Variants in GRIK1 observed in about 807,000 individuals in gnomAD.
GRIK1 encodes the protein glutamate receptor ionotropic, kainate 1.
GRIK1 carries 69 observed loss-of-function variants against 105.7 expected under a neutral mutation model. The ratio of observed to expected loss-of-function variants is 0.65; its 90% CI spans 0.54 to 0.80. The LOEUF is 0.80. Ranked by LOEUF, GRIK1 falls within the 30% of genes least tolerant of loss-of-function variation. The pLI, the probability that GRIK1 is intolerant of heterozygous loss-of-function variation, is 0.00. For synonymous variants in GRIK1, 438 were observed against 431.3 expected (o/e 1.02, Z -0.19); for missense variants, 1,109 against 1,167.3 (o/e 0.95, Z 0.73).
At chr21:29,736,041 A>T (rs2064782990) in intron 1 of GRIK1, among the ~76,000 whole-genome samples, 1 of 152,184 alleles carries the variant, frequency 6.6e-6, no homozygotes, top group Non-Finnish European at 1.5e-5. Context: ...CTAAAGACAT[A>T]GAAAGCAATT....
chr21:29,817,635 T>A (rs2067189568), intron 1 of GRIK1, among the ~76,000 whole-genome samples: 1 of 151,962 alleles, frequency 6.6e-6, no homozygotes, highest in Admixed American at 6.6e-5. Flanking sequence ...CAGCGCACCC[T>A]AGAGAATGGT....
chr21:29,618,315 C>G (rs1400354470), intron 7 of GRIK1, among the ~76,000 whole-genome samples: 1 of 152,150 alleles, frequency 6.6e-6, no homozygotes, highest in Non-Finnish European at 1.5e-5. Flanking sequence ...TGCGATACCA[C>G]CTTACTCCCG....
chr21:29,694,343 C>T lies in GRIK1; in HGVS notation c.119-280G>A, dbSNP rs190455411. The stretch of plus-strand genomic sequence containing the variant: ...TTCCCCATGTTGGCCAGGCTGGTCT[C>T]GAACTCCTGACCTCAGGTGATCCAC... On this transcript the variant is annotated intron_variant, in intron 1 of 17. Transcript: ENST00000327783. 5.1e-4 allele frequency among the ~76,000 whole-genome samples: 77 copies of T among 152,026 alleles called. 1 individual carries two copies. The East Asian group carries it at 0.012, about 24-fold the overall frequency.
chr21:29,855,385 A>T lies in GRIK1; in HGVS notation c.118+83998T>A, dbSNP rs1193055041. Reference sequence around the variant, plus strand: ...TGGCCAGCCAAAAATACCATCTTTAAAGAGTGATATTTAAGCTGAGATCTG... The same window carrying T: ...TGGCCAGCCAAAAATACCATCTTTATAGAGTGATATTTAAGCTGAGATCTG... On this transcript the variant is annotated intron_variant, in intron 1 of 17. Transcript: ENST00000327783. Among the ~76,000 whole-genome samples the T allele has an allele frequency of 3.3e-5, 5 of 152,230 alleles. No individual in the cohort carries two copies. In the East Asian group the frequency reaches 9.6e-4, roughly 29 times the overall value.
rs759145974 is a variant in GRIK1, at chr21:29,537,309, C to T, written c.2771G>A (p.Arg924Lys). The T allele has an allele frequency of 5.0e-6, 8 of 1,610,944 alleles. No homozygotes were observed. The South Asian group carries it at 8.8e-5, about 18-fold the overall frequency. The change falls in exon 18 of 18, where the codon AGA becomes AAA. Residue 924 changes from arginine to lysine, a missense_variant. Arg to Lys is a conservative substitution (Grantham distance 26, BLOSUM62 2). Around this residue, in one of 5 missense-constraint regions of GRIK1, gnomAD observed 161 missense variants for 143.4 expected, o/e 1.12. Coordinates refer to ENST00000327783, the MANE Select transcript of GRIK1 (RefSeq NM_001330994.2). The stretch of plus-strand genomic sequence containing the variant: ...TGTGAAGGAAGATTTCCCCTTAGTT[C>T]TTGACTTTTTCTTTATTTTTTTCTG... Reference protein sequence around the residue: ...KNQKKIKKKSRTKGKSSFTSI... With the variant: ...KNQKKIKKKSKTKGKSSFTSI...
At chr21:29,912,342 A>G (rs2070846669) in intron 1 of GRIK1, among the ~76,000 whole-genome samples, 1 of 152,034 alleles carries the variant, frequency 6.6e-6, no homozygotes, top group Admixed American at 6.6e-5. Context: ...GATCAGAGAG[A>G]TGTCAGCCCC....
rs191206675 is a variant in GRIK1 at position 29,757,108 on chromosome 21, A to G, written c.119-63045T>C. Among the ~76,000 whole-genome samples, 440 of 152,054 alleles carry G rather than the reference A, an allele frequency of 2.9e-3. 3 individuals carry two copies. The highest frequency in any genetic ancestry group is 0.01 in the African/African-American group (432 of 41,468). ...CTCCAGCCTGGGCAACAAGATTGAG[A>G]CTCCATCTCAATATAAAAAATAAAA... On this transcript the variant is annotated intron_variant, in intron 1 of 17. Coordinates refer to ENST00000327783, the MANE Select transcript of GRIK1 (RefSeq NM_001330994.2).
intron 14 of GRIK1, among the ~76,000 whole-genome samples, chr21:29,565,061 C>G (rs898060419): frequency 2.2e-4 from 34 of 152,280 alleles, no homozygotes; most frequent in African/African-American, 7.9e-4. Context: ...GGCATGGACA[C>G]CTTTGAGCAG....
At chr21:29,557,375 T>A (rs2090283779) in intron 15 of GRIK1, among the ~76,000 whole-genome samples, 1 of 152,180 alleles carries the variant, frequency 6.6e-6, no homozygotes, top group East Asian at 1.9e-4. Context: ...GGAAGAAATT[T>A]AGGAACTGAA....
At chr21:29,824,957 C>T (rs1036143222) in intron 1 of GRIK1, among the ~76,000 whole-genome samples, 6 of 151,644 alleles carry the variant, frequency 4.0e-5, no homozygotes, top group African/African-American at 1.2e-4. Flanking sequence ...GATGGTGAGA[C>T]GTGGTCTGAT....
At chr21:29,670,770 C>T (rs1320202344) in intron 4 of GRIK1, among the ~76,000 whole-genome samples, 1 of 152,194 alleles carries the variant, frequency 6.6e-6, no homozygotes, top group Non-Finnish European at 1.5e-5. Flanking sequence ...CACTTCATTA[C>T]ACCCTTTAAT....
At chr21:29,573,561 C>T (rs894108271) in intron 14 of GRIK1, among the ~76,000 whole-genome samples, 3 of 150,342 alleles carry the variant, frequency 2.0e-5, no homozygotes, top group African/African-American at 7.3e-5. Flanking sequence ...TCAAAGTGAA[C>T]TTAAGGGGCC....
chr21:29,816,442 C>G (rs1282028516), intron 1 of GRIK1, among the ~76,000 whole-genome samples: 2 of 152,030 alleles, frequency 1.3e-5, no homozygotes, highest in African/African-American at 4.8e-5. Context: ...AATCTCACTA[C>G]CAGGTATTTA....
In GRIK1 at chr21:29,550,107, C is replaced by CAAAAA. The variant is rs34939329; in HGVS notation, c.2607+4940_2607+4944dup. ...TGGGCGACAGAGAAAGACTCCATCT[C>CAAAAA]AAAAAAAAAAAAAAAAAAAAAAAAA... On this transcript the variant is annotated intron_variant, in intron 16 of 17. Coordinates refer to ENST00000327783, the MANE Select transcript of GRIK1 (RefSeq NM_001330994.2). 5.2e-4 allele frequency among the ~76,000 whole-genome samples: 28 copies of CAAAAA among 53,488 alleles called. 3 individuals are homozygous for CAAAAA. Among genetic ancestry groups the CAAAAA allele is most frequent in the African/African-American group, 1.8e-3 (21 of 11,752 alleles). 35.1% of individuals were successfully genotyped at this position (53,488 alleles called of 152,430 possible). A position where few individuals can be genotyped will look rare whatever the true frequency, so the allele number is the denominator to read the frequency against.
intron 1 of GRIK1, among the ~76,000 whole-genome samples, chr21:29,793,514 C>A (rs2066480827): frequency 6.6e-6 from 1 of 150,976 alleles, no homozygotes. Flanking sequence ...TTTCCCCTCT[C>A]TGCCTTTTCC....
intron 1 of GRIK1, among the ~76,000 whole-genome samples, chr21:29,806,645 A>G (rs2066871427): frequency 6.6e-6 from 1 of 152,134 alleles, no homozygotes; most frequent in Non-Finnish European, 1.5e-5. Context: ...CAACCATCCC[A>G]TAGCCCTCTA....
intron 3 of GRIK1, among the ~76,000 whole-genome samples, chr21:29,680,728 G>C (rs1416214841): frequency 6.6e-6 from 1 of 152,194 alleles, no homozygotes; most frequent in Non-Finnish European, 1.5e-5. Flanking sequence ...CATCATTGTT[G>C]TTGTTAGTCT....
At chr21:29,897,442 C>A (rs1735071) in intron 1 of GRIK1, among the ~76,000 whole-genome samples, 33,655 of 152,050 alleles carry the variant, frequency 0.22, 4,253 homozygotes, top group African/African-American at 0.34. Flanking sequence ...AAATTGGTAG[C>A]GATCTTTCCT....
At chr21:29,581,670 A>G (rs1217990223) in intron 12 of GRIK1, 127 bp from the exon 13 acceptor site, 3 of 619,520 alleles carry the variant, frequency 4.8e-6, no homozygotes, top group Non-Finnish European at 8.7e-6. Flanking sequence ...CCAAAAGAGT[A>G]AAGGCCATAG....
Sources: allele counts gnomAD v4.1 joint callset (sites outside exome capture counted in the v4.1 genomes callset), GRCh38; gene constraint gnomAD v4.1.1; regional missense constraint gnomAD v4.1.1; transcripts MANE v1.5; gene names NCBI Gene and HGNC (gene_info 2026-07-23, HGNC 2026-07-21).